Variants in ODC1 observed in about 807,000 individuals in gnomAD.
ODC1 encodes the protein ornithine decarboxylase.
ODC1 carries 18 observed loss-of-function variants against 41.5 expected under a neutral mutation model. The ratio of observed to expected loss-of-function variants is 0.43; its 90% confidence interval spans 0.30 to 0.64. ODC1 has a LOEUF of 0.64. Among genes scored for constraint, ODC1 ranks in the 30% least tolerant of loss-of-function variants. The pLI is 0.11. For synonymous variants in ODC1, 218 were observed against 211.6 expected, an observed-to-expected ratio of 1.03 and a Z score of -0.26; for missense variants, 504 against 589.0, an observed-to-expected ratio of 0.86 and a Z score of 1.49.
At chr2:10,444,669 G>T in intron 3 of ODC1, 22 bp from the exon 4 acceptor site, 1 of 1,601,728 alleles carries the variant, frequency 6.2e-7, no homozygotes, top group Non-Finnish European at 8.5e-7. Context: ...GTGGTCACAG[G>T]TGACTCACTA....
chr2:10,444,774 T>C, intron 3 of ODC1, 127 bp from the exon 4 acceptor site: 1 of 830,464 alleles, frequency 1.2e-6, no homozygotes, highest in Non-Finnish European at 1.9e-6. Flanking sequence ...CTGATATGAG[T>C]ATCACCATTA....
At position 10,440,830 on chromosome 2, in the gene ODC1, G is replaced by T; in HGVS notation, c.1280C>A (p.Pro427His). ...MQQFQNPDFP[P>H]EVEEQDASTL... Reference sequence around the variant, plus strand: ...GCTGGCATCCTGTTCCTCTACTTCGGGTGGGAAGTCGGGGTTCTGGAATTG... The same window carrying T: ...GCTGGCATCCTGTTCCTCTACTTCGTGTGGGAAGTCGGGGTTCTGGAATTG... The change falls in exon 12 of 12, where the codon CCC becomes CAC. Residue 427 changes from proline to histidine, a missense_variant. Physicochemically the swap from Pro to His is moderately conservative, Grantham distance 77 (BLOSUM62 -2). Transcript: ENST00000234111. The T allele has an allele frequency of 6.2e-7, 1 of 1,614,074 alleles. No individual in the cohort carries two copies. The highest frequency in any genetic ancestry group is 8.5e-7 in the Non-Finnish European group (1 of 1,180,010).
chr2:10,442,925 C>T (rs1001264897), intron 8 of ODC1, among the ~76,000 whole-genome samples: 5 of 151,922 alleles, frequency 3.3e-5, no homozygotes, highest in African/African-American at 1.2e-4. Context: ...GTTGCCCAGG[C>T]TGGTCTCAAA....
chr2:10,444,787 A>C (rs1671953708), intron 3 of ODC1, 140 bp from the exon 4 acceptor site: 4 of 826,098 alleles, frequency 4.8e-6, no homozygotes, highest in Non-Finnish European at 5.8e-6. Context: ...CACCATTATC[A>C]CTATTAATTT....
rs1165646410 is a variant in ODC1 at position 10,443,237 on chromosome 2, A to C, written c.743T>G (p.Phe248Cys). 1 of 1,609,282 alleles carries C rather than the reference A, an allele frequency of 6.2e-7. No homozygotes were observed. The highest frequency in any genetic ancestry group is 8.5e-7 in the Non-Finnish European group (1 of 1,178,700). ...FPGSEDVKLK[F>C]EEITGVINPA... ...AGTTTTGTTCTAAATTACCTCTTCAAATTTAAGTTTCACATCCTCAGATCC... is the reference window on the plus strand; with the variant it reads ...AGTTTTGTTCTAAATTACCTCTTCACATTTAAGTTTCACATCCTCAGATCC... Residue 248 changes from phenylalanine (F) to cysteine (C), a missense_variant, in exon 8 of 12, where the codon TTT (phenylalanine) becomes TGT (cysteine). Around this residue, in one of 3 missense-constraint regions of ODC1, gnomAD observed 447 missense variants for 524.4 expected, o/e 0.85. Coordinates refer to ENST00000234111, the MANE Select transcript of ODC1 (RefSeq NM_002539.3).
chr2:10,442,716 T>C (rs1671871458), intron 8 of ODC1, among the ~76,000 whole-genome samples: 1 of 152,034 alleles, frequency 6.6e-6, no homozygotes, highest in South Asian at 2.1e-4. Flanking sequence ...ACATGCTTTT[T>C]CTTTTTTTTT....
intron 8 of ODC1, among the ~76,000 whole-genome samples, chr2:10,442,905 G>A (rs1049592380): frequency 6.6e-6 from 1 of 151,708 alleles, no homozygotes; most frequent in Non-Finnish European, 1.5e-5. Flanking sequence ...TAGAGATGGG[G>A]TCTCACTGTG....
At position 10,443,579 on chromosome 2, in the gene ODC1, A is replaced by G. The variant is rs1189461340; in HGVS notation, c.585-8T>C. ...CCGCTTCCTACATGGAAGCTGGGGT[A>G]AAATAAAGAGACGAGACACTGTGTC... On this transcript the variant is annotated splice_polypyrimidine_tract_variant and splice_region_variant and intron_variant, in intron 6 of 11. Coordinates refer to ENST00000234111, the MANE Select transcript of ODC1 (RefSeq NM_002539.3). 1 of 1,611,798 alleles carries G rather than the reference A, an allele frequency of 6.2e-7. No individual in the cohort carries two copies. The highest frequency in any genetic ancestry group is 8.5e-7 in the Non-Finnish European group (1 of 1,178,812).
Position 10,444,138 on chromosome 2 carries a change from C to T in ODC1, c.406G>A (p.Glu136Lys). The change falls in exon 5 of 12, where the codon GAA becomes AAA. Residue 136 changes from glutamate to lysine, a missense_variant. Around this residue, in one of 3 missense-constraint regions of ODC1, gnomAD observed 447 missense variants for 524.4 expected, o/e 0.85. Coordinates refer to ENST00000234111, the MANE Select transcript of ODC1 (RefSeq NM_002539.3). ...NGVQMMTFDS[E>K]VELMKVARAH... ...CTGGCAACTTTCATCAACTCAACTTCACTATCAAAAGTCATCATCTGGACT... is the reference window on the plus strand; with the variant it reads ...CTGGCAACTTTCATCAACTCAACTTTACTATCAAAAGTCATCATCTGGACT... 6.2e-7 allele frequency: 1 copy of T among 1,607,448 alleles called. No individual in the cohort carries two copies.
intron 8 of ODC1, among the ~76,000 whole-genome samples, chr2:10,442,384 G>A (rs1671859944): frequency 6.6e-6 from 1 of 152,084 alleles, no homozygotes; most frequent in South Asian, 2.1e-4. Context: ...TCCCCTCCAG[G>A]CACCCTATCT....
intron 1 of ODC1, among the ~76,000 whole-genome samples, chr2:10,446,519 C>T (rs543261870): frequency 5.9e-5 from 9 of 152,152 alleles, no homozygotes; most frequent in Non-Finnish European, 7.3e-5. Flanking sequence ...CAGTCACTCT[C>T]GTATTTGCTT....
rs900540791 is a variant in ODC1 at position 10,440,568 on chromosome 2, A to G, written c.*156T>C. On this transcript the variant is annotated 3_prime_UTR_variant, in exon 12 of 12. Transcript: ENST00000234111. ...TCAAATAGTTTCCATAGGAACACAG[A>G]TAAGTGTGACCCATATCCTAGTCTT... 46 of 638,274 alleles carry G rather than the reference A, an allele frequency of 7.2e-5. No individual in the cohort carries two copies. The highest frequency in any genetic ancestry group is 1.1e-4 in the Non-Finnish European group (40 of 380,750). The allele number at this position is 638,274 out of a possible 1,614,324, so 39.5% of individuals were successfully genotyped here.
At position 10,444,352 on chromosome 2, in the gene ODC1, C is replaced by T. The variant is rs963940961; in HGVS notation, c.277-85G>A. 4.7e-6 allele frequency: 7 copies of T among 1,502,966 alleles called. No individual in the cohort carries two copies. In the East Asian group the frequency reaches 1.4e-4, roughly 29 times the overall value. The allele number at this position is 1,502,966 out of a possible 1,614,324, so 93.1% of individuals were successfully genotyped here. On this transcript the variant is annotated intron_variant, in intron 4 of 11. Transcript: ENST00000234111. Reference sequence around the variant, plus strand: ...AAAAGCATGGGAAGTTGTCATGTACCCCCCCGCCCCATTTGCCTTTAGTGA... The same window carrying T: ...AAAAGCATGGGAAGTTGTCATGTACTCCCCCGCCCCATTTGCCTTTAGTGA...
chr2:10,441,631 A>G lies in ODC1; in HGVS notation c.1119T>C (p.Pro373=), dbSNP rs1804032. Residue 373 remains proline (P), a synonymous_variant, in exon 11 of 12, where the codon CCT becomes CCC. Transcript: ENST00000234111. ...LDRIVERCDL[P]EMHVGDWMLF... is the part of the protein sequence containing the mutation. ...GCATCCAATCACCCACATGCATTTC[A>G]GGCAGGTCACAGCGCTCAACAATCC... The G allele has an allele frequency of 9.7e-3, 15,708 of 1,614,130 alleles. 1,286 individuals carry two copies. The African/African-American group carries it at 0.18, about 18-fold the overall frequency.
At chr2:10,444,766 G>T in intron 3 of ODC1, 119 bp from the exon 4 acceptor site, 1 of 903,134 alleles carries the variant, frequency 1.1e-6, no homozygotes, top group Non-Finnish European at 1.7e-6. Flanking sequence ...TCTAGCCACT[G>T]ATATGAGTAT....
In ODC1 at chr2:10,441,877, G is replaced by A. The variant is rs750319770; in HGVS notation, c.966C>T (p.Val322=). The A allele has an allele frequency of 1.9e-6, 3 of 1,614,076 alleles. No individual in the cohort carries two copies. Among genetic ancestry groups the A allele is most frequent in the Non-Finnish European group, 2.5e-6 (3 of 1,180,004 alleles). The change falls in exon 10 of 12, where the codon GTC becomes GTT. Residue 322 remains valine (V), a synonymous_variant. Transcript: ENST00000234111. ...QTFMYYVNDG[V]YGSFNCILYD... ...AGAGTATGCAATTAAATGATCCATA[G>A]ACGCCATCATTCACATAATACATAA...
At chr2:10,445,080 A>G (rs1243593951) in intron 2 of ODC1, 31 bp from the exon 3 acceptor site, 3 of 1,173,710 alleles carry the variant, frequency 2.6e-6, no homozygotes, top group Admixed American at 3.4e-5. Flanking sequence ...AATAGAGTGG[A>G]GAAATTCACT....
intron 7 of ODC1, 35 bp downstream of exon 7, chr2:10,443,455 T>G: frequency 1.9e-6 from 3 of 1,599,306 alleles, no homozygotes; most frequent in Non-Finnish European, 2.6e-6. Context: ...GTCAGTTGTG[T>G]CCCGCCCTTC....
intron 1 of ODC1, chr2:10,446,868 CTCTA>C (rs1400152301): frequency 4.8e-6 from 1 of 206,970 alleles, no homozygotes; most frequent in African/African-American, 2.4e-5. Context: ...TGCTTTAAAG[CTCTA>C]TCTATTGTGA....
Sources: allele counts gnomAD v4.1 joint callset (sites outside exome capture counted in the v4.1 genomes callset), GRCh38; gene constraint gnomAD v4.1.1; regional missense constraint gnomAD v4.1.1; transcripts MANE v1.5; gene names NCBI Gene and HGNC (gene_info 2026-07-23, HGNC 2026-07-21).